The following PIAS1 variants were observed in gnomAD, a reference collection of about 807,000 sequenced individuals.
PIAS1 encodes protein inhibitor of activated STAT 1, also known as E3 SUMO-protein ligase PIAS1.
A neutral mutation model predicts 71.3 loss-of-function variants in PIAS1; 6 were observed. The observed-to-expected ratio is 0.08, with a 90% CI of 0.05 to 0.17. The LOEUF is 0.17. Ranked by LOEUF, PIAS1 falls within the 10% of genes least tolerant of loss-of-function variation. The probability of loss-of-function intolerance (pLI) is 1.00; values close to 1 mark genes in which losing one functional copy is unlikely to be tolerated. For missense variants in PIAS1, 555 were observed against 793.6 expected (o/e 0.70, Z 3.61); for synonymous variants, 303 against 292.9 (o/e 1.03, Z -0.35).
intron 6 of PIAS1, among the ~76,000 whole-genome samples, chr15:68,147,785 G>T (rs932721792): frequency 6.6e-6 from 1 of 152,010 alleles, no homozygotes; most frequent in Non-Finnish European, 1.5e-5. Context: ...TAAATAGCTG[G>T]TTCTAACACT....
At chr15:68,059,989 CTTTATTG>C (rs888955759) in intron 1 of PIAS1, among the ~76,000 whole-genome samples, 39 of 152,090 alleles carry the variant, frequency 2.6e-4, no homozygotes, top group Admixed American at 1.5e-3. Flanking sequence ...ATTGTCATAC[CTTTATTG>C]TTTATGTTTC....
chr15:68,104,077 C>T (rs1221067085), intron 2 of PIAS1, among the ~76,000 whole-genome samples: 1 of 152,216 alleles, frequency 6.6e-6, no homozygotes, highest in Non-Finnish European at 1.5e-5. Context: ...TCGCATTTCT[C>T]TCCACATCCT....
intron 2 of PIAS1, among the ~76,000 whole-genome samples, chr15:68,131,821 T>TCAAA (rs2092689452): frequency 6.6e-6 from 1 of 151,986 alleles, no homozygotes; most frequent in Non-Finnish European, 1.5e-5. Flanking sequence ...AACATGGGAG[T>TCAAA]GTAGACATCT....
chr15:68,065,700 T>C (rs987552709), intron 1 of PIAS1, among the ~76,000 whole-genome samples: 1 of 151,326 alleles, frequency 6.6e-6, no homozygotes, highest in East Asian at 1.9e-4. Context: ...TAAACGGTAG[T>C]AGCTTGCATT....
chr15:68,122,491 T>C (rs2141021524), intron 2 of PIAS1, among the ~76,000 whole-genome samples: 1 of 152,288 alleles, frequency 6.6e-6, no homozygotes, highest in Non-Finnish European at 1.5e-5. Flanking sequence ...AAGGATAATG[T>C]GAGATTTACC....
chr15:68,065,230 G>C (rs1199782645), intron 1 of PIAS1, among the ~76,000 whole-genome samples: 2 of 152,080 alleles, frequency 1.3e-5, no homozygotes, highest in South Asian at 2.1e-4. Flanking sequence ...CAGTACAGCA[G>C]TGCCTAATTT....
In PIAS1 at chr15:68,185,406, G is replaced by A. The variant is rs1340631914; in HGVS notation, c.1662+1739G>A. The stretch of plus-strand genomic sequence containing the variant: ...AGAATCTGCTAAGGATGAAGAGGTT[G>A]CAGAAATGGACAAGGCTGTGGTTGA... On this transcript the variant is annotated intron_variant, in intron 13 of 13. Transcript: ENST00000249636. The surrounding 1 kb of genome is among the most constrained non-coding windows in gnomAD (Gnocchi z 4.4). Among the ~76,000 whole-genome samples, 2 of 152,204 alleles carry A rather than the reference G, an allele frequency of 1.3e-5. No homozygotes were observed. The highest frequency in any genetic ancestry group is 2.9e-5 in the Non-Finnish European group (2 of 68,044).
intron 7 of PIAS1, among the ~76,000 whole-genome samples, chr15:68,164,320 C>A (rs758083896): frequency 3.3e-4 from 50 of 151,794 alleles, no homozygotes; most frequent in Admixed American, 3.2e-3. Flanking sequence ...AAATGTTATT[C>A]TTATTATTAA....
At chr15:68,146,765 C>G in intron 6 of PIAS1, 65 bp downstream of exon 6, 1 of 1,138,318 alleles carries the variant, frequency 8.8e-7, no homozygotes. Context: ...CCATGCCTAT[C>G]TGAATTTATA....
intron 2 of PIAS1, among the ~76,000 whole-genome samples, chr15:68,110,406 G>A (rs1375021986): frequency 2.0e-5 from 3 of 152,120 alleles, no homozygotes; most frequent in Non-Finnish European, 4.4e-5. Flanking sequence ...GACCAGCCCA[G>A]CCAACATGGT....
At chr15:68,059,166 C>A (rs980248085) in intron 1 of PIAS1, among the ~76,000 whole-genome samples, 1 of 151,712 alleles carries the variant, frequency 6.6e-6, no homozygotes, top group Non-Finnish European at 1.5e-5. Flanking sequence ...CACTACGCCC[C>A]GCTAATTTTT....
intron 4 of PIAS1, among the ~76,000 whole-genome samples, chr15:68,145,232 T>G (rs1042134152): frequency 1.3e-5 from 2 of 152,168 alleles, no homozygotes; most frequent in Non-Finnish European, 2.9e-5. Context: ...CAAATAATAT[T>G]CAATATCTTC....
At chr15:68,077,261 T>TA (rs2092176765) in intron 1 of PIAS1, among the ~76,000 whole-genome samples, 1 of 152,272 alleles carries the variant, frequency 6.6e-6, no homozygotes. Context: ...TTGGTAAAAA[T>TA]ACCATGTTCA....
chr15:68,129,835 A>T (rs887393151), intron 2 of PIAS1, among the ~76,000 whole-genome samples: 78 of 141,894 alleles, frequency 5.5e-4, no homozygotes, highest in Non-Finnish European at 9.0e-4. Flanking sequence ...ACACACACAC[A>T]CTCTTACATA....
At position 68,092,379 on chromosome 15, in the gene PIAS1, C is replaced by T. The variant is rs184062812; in HGVS notation, c.469+5629C>T. ...TAGAGACGGAGTTTTGTCATGTTGG[C>T]CAGGCTTGTCTTGAACTTCTGATCT... On this transcript the variant is annotated intron_variant, in intron 2 of 13. Coordinates refer to ENST00000249636, the MANE Select transcript of PIAS1 (RefSeq NM_016166.3). 2.0e-5 allele frequency among the ~76,000 whole-genome samples: 3 copies of T among 152,142 alleles called. No homozygotes were observed. In the East Asian group the frequency reaches 5.8e-4, roughly 29 times the overall value.
chr15:68,057,511 C>T (rs1209937996), intron 1 of PIAS1: 3 of 442,536 alleles, frequency 6.8e-6, no homozygotes, highest in African/African-American at 4.1e-5. Flanking sequence ...AGTCCATCAG[C>T]ATTTTAGTGG....
chr15:68,111,154 T>C (rs918569694), intron 2 of PIAS1, among the ~76,000 whole-genome samples: 5 of 152,192 alleles, frequency 3.3e-5, no homozygotes, highest in Admixed American at 6.5e-5. Flanking sequence ...GATGGATCCT[T>C]TTAGGCCTTC....
chr15:68,078,906 A>C (rs1458630311), intron 1 of PIAS1, among the ~76,000 whole-genome samples: 1 of 152,232 alleles, frequency 6.6e-6, no homozygotes, highest in Non-Finnish European at 1.5e-5. Flanking sequence ...TTAATATAGA[A>C]AGATTTCACT....
chr15:68,173,707 A>G lies in PIAS1; in HGVS notation c.1009-25A>G. 1.3e-6 allele frequency: 2 copies of G among 1,490,170 alleles called. No individual in the cohort carries two copies. The highest frequency in any genetic ancestry group is 1.8e-6 in the Non-Finnish European group (2 of 1,106,478). 92.3% of individuals were successfully genotyped at this position (1,490,170 alleles called of 1,614,324 possible). A position where few individuals can be genotyped will look rare whatever the true frequency, so the allele number is the denominator to read the frequency against. On this transcript the variant is annotated intron_variant, in intron 8 of 13. Coordinates refer to ENST00000249636, the MANE Select transcript of PIAS1 (RefSeq NM_016166.3). This position sits in a 1 kb window ranked among gnomAD's most constrained non-coding sequence, Gnocchi z 4.3. ...AAATGTTGAATAGCAATTATCTAAT[A>G]TTTACTTTTTCTCCCTTTTTAAAGC... is the stretch of plus-strand genomic sequence containing the variant.
Sources: gnomAD v4.1 joint callset for allele counts (sites outside exome capture counted in the v4.1 genomes callset) on GRCh38, gnomAD v4.1.1 for gene constraint, Gnocchi (gnomAD v3.1) non-coding constraint, MANE v1.5 for transcripts, NCBI Gene and HGNC (gene_info 2026-07-23, HGNC 2026-07-21) for gene names.